Variants in PSKH2 observed in about 807,000 individuals in gnomAD.
PSKH2 encodes protein serine kinase H2, also known as serine/threonine-protein kinase H2.
A neutral mutation model predicts 22.5 loss-of-function variants in PSKH2; 16 were observed. The ratio of observed to expected loss-of-function variants is 0.71; its 90% CI spans 0.48 to 1.08. The LOEUF (loss-of-function observed/expected upper bound fraction) is 1.08, where lower values mean the gene tolerates loss of function less well. Ranked by LOEUF, PSKH2 falls within the 50% of genes least tolerant of loss-of-function variation. The pLI is 0.00. For missense variants in PSKH2, 516 were observed against 492.8 expected (o/e 1.05, Z -0.44); for synonymous variants, 188 against 184.8 (o/e 1.02, Z -0.14).
At chr8:86,069,717 G>T, upstream of PSKH2, 1 of 1,346,498 alleles carries the variant, frequency 7.4e-7, no homozygotes, top group Non-Finnish European at 9.7e-7. Context: ...TGCGAGGGGC[G>T]GGACCCTCGG....
intron 2 of PSKH2, among the ~76,000 whole-genome samples, chr8:86,060,340 A>G (rs1817758361): frequency 6.6e-6 from 1 of 152,202 alleles, no homozygotes; most frequent in Non-Finnish European, 1.5e-5. Context: ...TTTGCCTTAT[A>G]GATTCAAATT....
intron 1 of PSKH2, among the ~76,000 whole-genome samples, chr8:86,067,888 A>G (rs914400911): frequency 2.0e-5 from 3 of 152,178 alleles, no homozygotes; most frequent in African/African-American, 7.2e-5. Flanking sequence ...ACAACTACTC[A>G]TTGGTTAAAG....
At position 86,069,426 on chromosome 8, in the gene PSKH2, G is replaced by T. The variant is rs2130177067; in HGVS notation, c.185+12C>A. Reference sequence around the variant, plus strand: ...GCCCAGTCCCAGGCCAGTTCCTCACGTGGCGCTTTACCTGGCAAGGACCCG... The same window carrying T: ...GCCCAGTCCCAGGCCAGTTCCTCACTTGGCGCTTTACCTGGCAAGGACCCG... On this transcript the variant is annotated intron_variant, in intron 1 of 2. Transcript: ENST00000276616. 1 of 1,566,280 alleles carries T rather than the reference G, an allele frequency of 6.4e-7. No homozygotes were observed. The highest frequency in any genetic ancestry group is 8.6e-7 in the Non-Finnish European group (1 of 1,157,082).
chr8:86,062,960 G>C (rs139299911), intron 2 of PSKH2, among the ~76,000 whole-genome samples: 1 of 152,120 alleles, frequency 6.6e-6, no homozygotes, highest in African/African-American at 2.4e-5. Flanking sequence ...ACATTTTTGT[G>C]TTCATTTGCA....
chr8:86,060,198 GTC>G (rs1817756676), intron 2 of PSKH2, among the ~76,000 whole-genome samples: 1 of 151,948 alleles, frequency 6.6e-6, no homozygotes, highest in Non-Finnish European at 1.5e-5. Context: ...CAAACTCCAA[GTC>G]TCTGTTCCTT....
At chr8:86,067,262 A>G (rs1817878383) in intron 1 of PSKH2, among the ~76,000 whole-genome samples, 1 of 152,018 alleles carries the variant, frequency 6.6e-6, no homozygotes, top group Non-Finnish European at 1.5e-5. Context: ...AATTTGTCCC[A>G]TAACAAATTC....
At chr8:86,054,460 C>T (rs1817674273) in intron 2 of PSKH2, among the ~76,000 whole-genome samples, 1 of 152,172 alleles carries the variant, frequency 6.6e-6, no homozygotes, top group Non-Finnish European at 1.5e-5. Context: ...ACTGATTACT[C>T]TCTATGACTT....
At chr8:86,065,930 A>G (rs1247717303) in intron 1 of PSKH2, among the ~76,000 whole-genome samples, 2 of 152,128 alleles carry the variant, frequency 1.3e-5, no homozygotes, top group Non-Finnish European at 2.9e-5. Flanking sequence ...TGATCAGACC[A>G]CTGCACTCCA....
chr8:86,066,581 G>C (rs778451891), intron 1 of PSKH2: 3 of 152,044 alleles, frequency 2.0e-5, no homozygotes, highest in Admixed American at 1.3e-4. Flanking sequence ...GAGAAGGCAC[G>C]TTTTTATATC....
chr8:86,065,021 G>A (rs1268693173), intron 1 of PSKH2, among the ~76,000 whole-genome samples: 2 of 152,166 alleles, frequency 1.3e-5, no homozygotes, highest in African/African-American at 2.4e-5. Context: ...CCAGATTGTG[G>A]TTGGAATGGA....
chr8:86,069,546 T>C lies in PSKH2; in HGVS notation c.77A>G (p.Gln26Arg). ...LAWAKHEGQN[Q>R]AGVGGAGPGP... ...AGGCCCCGCGCCTCCGACGCCGGCTTGGTTTTGACCTTCGTGCTTGGCCCA... is the reference window on the plus strand; with the variant it reads ...AGGCCCCGCGCCTCCGACGCCGGCTCGGTTTTGACCTTCGTGCTTGGCCCA... Residue 26 changes from glutamine to arginine, a missense_variant, in exon 1 of 3, where the codon CAA (glutamine) becomes CGA (arginine). Gln to Arg is a conservative substitution (Grantham distance 43). Coordinates refer to ENST00000276616, the MANE Select transcript of PSKH2 (RefSeq NM_033126.3). 6.2e-7 allele frequency: 1 copy of C among 1,608,788 alleles called. No homozygotes were observed. Among genetic ancestry groups the C allele is most frequent in the Non-Finnish European group, 8.5e-7 (1 of 1,178,406 alleles).
chr8:86,058,347 A>G (rs776561309), intron 2 of PSKH2, among the ~76,000 whole-genome samples: 1 of 152,228 alleles, frequency 6.6e-6, no homozygotes, highest in Non-Finnish European at 1.5e-5. Flanking sequence ...CCACCTACCT[A>G]TTCCAGAATG....
chr8:86,069,756 A>G, upstream of PSKH2: 1 of 1,029,622 alleles, frequency 9.7e-7, no homozygotes, highest in Non-Finnish European at 1.3e-6. Flanking sequence ...GGTCGTGGTC[A>G]GGGAGACAGC....
chr8:86,060,879 G>A (rs1192764997), intron 2 of PSKH2, among the ~76,000 whole-genome samples: 1 of 152,190 alleles, frequency 6.6e-6, no homozygotes, highest in Non-Finnish European at 1.5e-5. Flanking sequence ...CCACCATGGA[G>A]ATGCTGTTAA....
intron 1 of PSKH2, chr8:86,066,466 G>C (rs1817860892): frequency 6.6e-6 from 1 of 152,090 alleles, no homozygotes; most frequent in South Asian, 2.1e-4. Context: ...GCCTCCCAAA[G>C]TGTTGGGATT....
chr8:86,059,821 T>C (rs895885314), intron 2 of PSKH2, among the ~76,000 whole-genome samples: 1 of 152,190 alleles, frequency 6.6e-6, no homozygotes, highest in African/African-American at 2.4e-5. Flanking sequence ...CCAAAATATA[T>C]CCACCAAAAT....
At chr8:86,062,600 CCT>C (rs1159862433) in intron 2 of PSKH2, among the ~76,000 whole-genome samples, 1 of 151,162 alleles carries the variant, frequency 6.6e-6, no homozygotes, top group Non-Finnish European at 1.5e-5. Context: ...GCTCTTTCCG[CCT>C]CTCTTTTTCT....
At chr8:86,068,469 A>G (rs1284462632) in intron 1 of PSKH2, among the ~76,000 whole-genome samples, 1 of 152,240 alleles carries the variant, frequency 6.6e-6, no homozygotes, top group Non-Finnish European at 1.5e-5. Context: ...AACAATAATC[A>G]GCATTGCACT....
At chr8:86,060,357 G>T (rs184133912) in intron 2 of PSKH2, among the ~76,000 whole-genome samples, 1 of 152,000 alleles carries the variant, frequency 6.6e-6, no homozygotes, top group Non-Finnish European at 1.5e-5. Flanking sequence ...AATTATATTC[G>T]GAAGAAGGGG....
Sources: allele counts gnomAD v4.1 joint callset (sites outside exome capture counted in the v4.1 genomes callset), GRCh38; gene constraint gnomAD v4.1.1; transcripts MANE v1.5; gene names NCBI Gene and HGNC (gene_info 2026-07-23, HGNC 2026-07-21).